Variants in PCDHGB3 observed in about 807,000 individuals in gnomAD.
PCDHGB3 encodes the protein protocadherin gamma-B3.
A neutral mutation model predicts 59.2 loss-of-function variants in PCDHGB3; 40 were observed. The ratio of observed to expected loss-of-function variants is 0.68; its 90% confidence interval spans 0.52 to 0.88. The LOEUF (loss-of-function observed/expected upper bound fraction) is 0.88, where lower values mean the gene tolerates loss of function less well. PCDHGB3 is among the 40% of genes least tolerant of loss of function. The pLI is 0.00. For missense variants in PCDHGB3, 1,309 were observed against 1,187.9 expected (o/e 1.10, Z -1.50); for synonymous variants, 581 against 503.6 (o/e 1.15, Z -2.06).
chr5:141,384,731 C>T, intron 1 of PCDHGB3: 1 of 1,614,086 alleles, frequency 6.2e-7, no homozygotes, highest in South Asian at 1.1e-5. Context: ...CTGCTTAAGG[C>T]CAGCGAGCCA....
intron 1 of PCDHGB3, chr5:141,402,966 C>G (rs749578447): frequency 6.8e-6 from 11 of 1,605,942 alleles, no homozygotes; most frequent in Non-Finnish European, 8.5e-6. Context: ...GCAGCTCCAA[C>G]CAAATGCCAG....
Position 141,406,737 on chromosome 5 carries a change from T to C in PCDHGB3, c.2415+33928T>C, listed in dbSNP as rs540886306. 1.1e-4 allele frequency among the ~76,000 whole-genome samples: 16 copies of C among 152,348 alleles called. No homozygotes were observed. The South Asian group carries it at 3.3e-3, about 32-fold the overall frequency. ...AAGAGAAGTTTCTAAGACTGGACAC[T>C]GTGAAATGACAAAACAAGGAATTAA... On this transcript the variant is annotated intron_variant, in intron 1 of 3. Coordinates refer to ENST00000576222, the MANE Select transcript of PCDHGB3 (RefSeq NM_018924.5).
In PCDHGB3 at chr5:141,490,262, G is replaced by A; in HGVS notation, c.2416-4545G>A. 1.2e-6 allele frequency: 2 copies of A among 1,614,206 alleles called. No homozygotes were observed. Among genetic ancestry groups the A allele is most frequent in the South Asian group, 1.1e-5 (1 of 91,086 alleles). On this transcript the variant is annotated intron_variant, in intron 1 of 3. Transcript: ENST00000576222. The surrounding 1 kb of genome is among the most constrained non-coding windows in gnomAD (Gnocchi z 5.4). ...CACTGTGTGATTCAAGTGGATGTGGGGGATGTCAATGACAATGCCCCAGAG... is the reference window on the plus strand; with the variant it reads ...CACTGTGTGATTCAAGTGGATGTGGAGGATGTCAATGACAATGCCCCAGAG...
chr5:141,489,830 A>G lies in PCDHGB3; in HGVS notation c.2416-4977A>G, dbSNP rs760376311. On this transcript the variant is annotated intron_variant, in intron 1 of 3. Coordinates refer to ENST00000576222, the MANE Select transcript of PCDHGB3 (RefSeq NM_018924.5). The surrounding 1 kb of genome is among the most constrained non-coding windows in gnomAD (Gnocchi z 4.5). ...AAGCCATTCCCAGAGCTGGTGCTAG[A>G]GCAGCAGCTGGATCGTGAAGCCCAG... 1.9e-6 allele frequency: 3 copies of G among 1,614,200 alleles called. No individual in the cohort carries two copies. Among genetic ancestry groups the G allele is most frequent in the East Asian group, 2.2e-5 (1 of 44,878 alleles).
At position 141,370,525 on chromosome 5, in the gene PCDHGB3, G is replaced by T; in HGVS notation, c.131G>T (p.Gly44Val). The T allele has an allele frequency of 1.2e-6, 2 of 1,613,874 alleles. No homozygotes were observed. The highest frequency in any genetic ancestry group is 1.7e-6 in the Non-Finnish European group (2 of 1,179,812). ...GCTATTCCCGAGGAGCTGGACAGGG[G>T]CTCGCTGGTAGGGAACCTCGCCAAG... ...RYAIPEELDR[G>V]SLVGNLAKDL... Residue 44 changes from glycine to valine, a missense_variant, in exon 1 of 4, where the codon GGC becomes GTC. Transcript: ENST00000576222.
chr5:141,372,333 C>G lies in PCDHGB3; in HGVS notation c.1939C>G (p.Arg647Gly). The change falls in exon 1 of 4, where the codon CGT becomes GGT. Residue 647 changes from arginine (R) to glycine (G), a missense_variant. Transcript: ENST00000576222. ...CCGCCAGCGCCTGCTGGTCACTGTG[C>G]GTGATGGAGGACAGCAGCCTCTTTC... The part of the protein sequence containing the change: ...AARQRLLVTV[R>G]DGGQQPLSAT... The G allele has an allele frequency of 6.2e-7, 1 of 1,613,732 alleles. No individual in the cohort carries two copies. The highest frequency in any genetic ancestry group is 8.5e-7 in the Non-Finnish European group (1 of 1,179,906).
intron 1 of PCDHGB3, chr5:141,409,179 G>T (rs761754962): frequency 1.2e-5 from 20 of 1,613,988 alleles, no homozygotes; most frequent in Non-Finnish European, 1.6e-5. Context: ...GACGGAGGTG[G>T]TCTCTCTACC....
In PCDHGB3 at chr5:141,370,412, A is replaced by G. The variant is rs1561546319; in HGVS notation, c.18A>G (p.Gly6=). 5 of 1,567,090 alleles carry G rather than the reference A, an allele frequency of 3.2e-6. No homozygotes were observed. Among genetic ancestry groups the G allele is most frequent in the Non-Finnish European group, 4.3e-6 (5 of 1,158,134 alleles). MGNSS[G]WRGPAGQRRM... is the part of the protein sequence containing the mutation. The stretch of plus-strand genomic sequence containing the variant: ...AGAGCGGGATGGGAAATAGCTCCGG[A>G]TGGAGGGGCCCAGCAGGGCAGAGGC... The change falls in exon 1 of 4, where the codon GGA becomes GGG. Residue 6 remains glycine, a synonymous_variant. Coordinates refer to ENST00000576222, the MANE Select transcript of PCDHGB3 (RefSeq NM_018924.5).
chr5:141,492,846 A>G (rs1404624093), intron 1 of PCDHGB3, among the ~76,000 whole-genome samples: 1 of 152,184 alleles, frequency 6.6e-6, no homozygotes, highest in African/African-American at 2.4e-5. Flanking sequence ...AGGAAGTGAA[A>G]GCCTCGAGCG....
In PCDHGB3 at chr5:141,408,282, C is replaced by A. The variant is rs1045626164; in HGVS notation, c.2415+35473C>A. On this transcript the variant is annotated intron_variant, in intron 1 of 3. Transcript: ENST00000576222. ...CCTTTGCTGCTGCCTTTGTTCTACC[C>A]CACCCTGAGTGAGCCGATCCGCTAC... The A allele has an allele frequency of 5.0e-6, 8 of 1,612,846 alleles. No individual in the cohort carries two copies. The African/African-American group carries it at 1.1e-4, about 22-fold the overall frequency.
chr5:141,401,508 C>G (rs2094162050), intron 1 of PCDHGB3, among the ~76,000 whole-genome samples: 1 of 152,302 alleles, frequency 6.6e-6, no homozygotes, highest in East Asian at 1.9e-4. Flanking sequence ...TTTTCCACCT[C>G]TATATAATTA....
intron 1 of PCDHGB3, among the ~76,000 whole-genome samples, chr5:141,396,908 C>G (rs987572785): frequency 1.3e-5 from 2 of 152,146 alleles, no homozygotes; most frequent in Admixed American, 6.5e-5. Context: ...TGGCACTTTG[C>G]AATTTTAAAA....
chr5:141,417,824 G>A (rs2096165363), intron 1 of PCDHGB3: 4 of 1,518,120 alleles, frequency 2.6e-6, no homozygotes, highest in Non-Finnish European at 3.5e-6. Context: ...TTCTCCAACT[G>A]GAAAAGCGGG....
At position 141,423,009 on chromosome 5, in the gene PCDHGB3, G is replaced by A. The variant is rs371209178; in HGVS notation, c.2415+50200G>A. 28 of 1,614,222 alleles carry A rather than the reference G, an allele frequency of 1.7e-5. No individual in the cohort carries two copies. The East Asian group carries it at 4.9e-4, about 28-fold the overall frequency. On this transcript the variant is annotated intron_variant, in intron 1 of 3. Transcript: ENST00000576222. ...GCTACCTGGTGACCAAGGTGGTTGC[G>A]GTGGACAAAGATTCAGGCCAGAACG...
chr5:141,453,559 C>T (rs2098769120), intron 1 of PCDHGB3, among the ~76,000 whole-genome samples: 1 of 152,126 alleles, frequency 6.6e-6, no homozygotes, highest in Non-Finnish European at 1.5e-5. Context: ...TGTAGATAAT[C>T]GATTTCATTA....
chr5:141,432,610 C>T lies in PCDHGB3; in HGVS notation c.2415+59801C>T, dbSNP rs1481968343. 9.3e-6 allele frequency: 15 copies of T among 1,613,954 alleles called. No homozygotes were observed. Among genetic ancestry groups the T allele is most frequent in the Non-Finnish European group, 1.3e-5 (15 of 1,179,978 alleles). On this transcript the variant is annotated intron_variant, in intron 1 of 3. Transcript: ENST00000576222. This position sits in a 1 kb window ranked among gnomAD's most constrained non-coding sequence, Gnocchi z 6.0. The stretch of plus-strand genomic sequence containing the variant: ...TCAAGGCCAGCGAGCCGGGACTCTT[C>T]TCGGTGGGTCTGCACACGGGCGAGG...
chr5:141,485,786 C>A lies in PCDHGB3; in HGVS notation c.2416-9021C>A. On this transcript the variant is annotated intron_variant, in intron 1 of 3. Transcript: ENST00000576222. This position sits in a 1 kb window ranked among gnomAD's most constrained non-coding sequence, Gnocchi z 5.7. ...GGAGAAGCCTTTGGATCGAGAGAAG[C>A]AATCGGACTACCGCCTGGTGCTGAC... 1 of 1,614,208 alleles carries A rather than the reference C, an allele frequency of 6.2e-7. No individual in the cohort carries two copies. The highest frequency in any genetic ancestry group is 1.3e-5 in the African/African-American group (1 of 75,062).
In PCDHGB3 at chr5:141,428,115, G is replaced by T. The variant is rs753384738; in HGVS notation, c.2415+55306G>T. 5 of 1,607,062 alleles carry T rather than the reference G, an allele frequency of 3.1e-6. No homozygotes were observed. In the South Asian group the frequency reaches 5.5e-5, roughly 18 times the overall value. On this transcript the variant is annotated intron_variant, in intron 1 of 3. Coordinates refer to ENST00000576222, the MANE Select transcript of PCDHGB3 (RefSeq NM_018924.5). ...GTCCTACCACGTGCTGCAGGCCATC[G>T]AGCCCGGGCTTTTCAGCCTGGGGCT...
chr5:141,389,767 G>C, intron 1 of PCDHGB3: 2 of 1,613,028 alleles, frequency 1.2e-6, no homozygotes, highest in Non-Finnish European at 8.5e-7. Context: ...CGCACAGCGC[G>C]TGCCTTAGGC....
Sources: allele counts gnomAD v4.1 joint callset (sites outside exome capture counted in the v4.1 genomes callset), GRCh38; gene constraint gnomAD v4.1.1; non-coding constraint Gnocchi (gnomAD v3.1); transcripts MANE v1.5; gene names NCBI Gene and HGNC (gene_info 2026-07-23, HGNC 2026-07-21).